The following MTUS2 variants were observed in gnomAD, a reference collection of about 807,000 sequenced individuals.
The protein encoded by MTUS2 is microtubule associated scaffold protein 2, also known as microtubule-associated tumor suppressor candidate 2.
In MTUS2, 40 loss-of-function variants were observed where a neutral mutation model predicts 114.1. The ratio of observed to expected loss-of-function variants is 0.35; its 90% CI spans 0.27 to 0.46. MTUS2 has a LOEUF of 0.46. Among genes scored for constraint, MTUS2 ranks in the 20% least tolerant of loss-of-function variants. MTUS2 has a pLI of 1.00. For synonymous variants in MTUS2, 688 were observed against 672.0 expected, an observed-to-expected ratio of 1.02 and a Z score of -0.37; for missense variants, 1,679 against 1,705.4, an observed-to-expected ratio of 0.98 and a Z score of 0.27.
chr13:28,852,850 T>TA (rs1876368824), intron 2 of MTUS2, among the ~76,000 whole-genome samples: 1 of 151,918 alleles, frequency 6.6e-6, no homozygotes, highest in African/African-American at 2.4e-5. Flanking sequence ...CTATCTTAAA[T>TA]ACGTACATAC....
intron 1 of MTUS2, among the ~76,000 whole-genome samples, chr13:28,831,382 A>C (rs1257398111): frequency 6.6e-6 from 1 of 152,230 alleles, no homozygotes; most frequent in African/African-American, 2.4e-5. Flanking sequence ...ACATGACTCA[A>C]CTATATGCCA....
chr13:28,898,326 A>G (rs1241371235), intron 2 of MTUS2, among the ~76,000 whole-genome samples: 6 of 152,198 alleles, frequency 3.9e-5, no homozygotes, highest in Admixed American at 2.6e-4. Flanking sequence ...GGTGAGTAGT[A>G]AGAGATACAT....
At chr13:29,353,633 A>G (rs1467777365) in intron 7 of MTUS2, among the ~76,000 whole-genome samples, 6 of 152,106 alleles carry the variant, frequency 3.9e-5, no homozygotes, top group African/African-American at 1.4e-4. Flanking sequence ...TTCTGGAGTA[A>G]AGTTATGTCA....
At chr13:29,149,267 A>G (rs1892569982) in intron 5 of MTUS2, among the ~76,000 whole-genome samples, 1 of 152,140 alleles carries the variant, frequency 6.6e-6, no homozygotes, top group Non-Finnish European at 1.5e-5. Flanking sequence ...GCATTTCTCT[A>G]ATGATCAATG....
chr13:29,156,201 T>A (rs1268462075), intron 5 of MTUS2, among the ~76,000 whole-genome samples: 1 of 152,108 alleles, frequency 6.6e-6, no homozygotes, highest in Non-Finnish European at 1.5e-5. Context: ...GTTAAGATGT[T>A]TGTAAGAATT....
At chr13:28,827,763 CCAG>C (rs1317850006) in intron 1 of MTUS2, among the ~76,000 whole-genome samples, 1 of 152,094 alleles carries the variant, frequency 6.6e-6, no homozygotes, top group Non-Finnish European at 1.5e-5. Context: ...AGCCGCAAAA[CCAG>C]CAAGTTTTTA....
chr13:29,084,830 G>A (rs929610800), intron 4 of MTUS2, among the ~76,000 whole-genome samples: 1 of 143,350 alleles, frequency 7.0e-6, no homozygotes, highest in East Asian at 2.2e-4. Flanking sequence ...TTACAGGCAT[G>A]AGCTACTGTG....
At chr13:29,483,665 TGA>T (rs1881374004) in intron 10 of MTUS2, among the ~76,000 whole-genome samples, 1 of 152,202 alleles carries the variant, frequency 6.6e-6, no homozygotes, top group Non-Finnish European at 1.5e-5. Context: ...GAGGGGGACC[TGA>T]GGGGGTGGTG....
chr13:28,874,441 A>G (rs1440956514), intron 2 of MTUS2, among the ~76,000 whole-genome samples: 2 of 152,346 alleles, frequency 1.3e-5, no homozygotes, highest in East Asian at 1.9e-4. Context: ...CCAGGAATTC[A>G]GGAAGGACTT....
intron 2 of MTUS2, among the ~76,000 whole-genome samples, chr13:28,963,848 A>G (rs1883451739): frequency 6.6e-6 from 1 of 152,060 alleles, no homozygotes; most frequent in Admixed American, 6.6e-5. Context: ...ACCTTGGCAC[A>G]ATGGCATTCA....
Position 29,025,793 on chromosome 13 carries a change from C to T in MTUS2, c.1095C>T (p.Asn365=). ...CCGATGCACTTGGCCATCTGCTGAA[C>T]AGTGACCTCCACCACCTTGGGGTGG... The part of the protein sequence containing the change: ...EATDALGHLL[N]SDLHHLGVGR... The change falls in exon 3 of 16, where the codon AAC becomes AAT. Residue 365 remains asparagine (N), a synonymous_variant. Coordinates refer to ENST00000612955, the MANE Select transcript of MTUS2 (RefSeq NM_001033602.4). 1.2e-6 allele frequency: 2 copies of T among 1,614,010 alleles called. No individual in the cohort carries two copies. Among genetic ancestry groups the T allele is most frequent in the African/African-American group, 1.3e-5 (1 of 75,050 alleles).
At chr13:28,865,471 A>T (rs1021452975) in intron 2 of MTUS2, among the ~76,000 whole-genome samples, 2 of 152,336 alleles carry the variant, frequency 1.3e-5, no homozygotes, top group East Asian at 3.9e-4. Context: ...TAAGTTGGCA[A>T]ATTGCCATGC....
intron 2 of MTUS2, among the ~76,000 whole-genome samples, chr13:28,990,859 C>T (rs993486508): frequency 6.7e-6 from 1 of 150,008 alleles, no homozygotes; most frequent in African/African-American, 2.4e-5. Context: ...CCACTCACTG[C>T]GAGGGTCTGC....
chr13:29,154,926 G>A (rs553698839), intron 5 of MTUS2, among the ~76,000 whole-genome samples: 1 of 152,286 alleles, frequency 6.6e-6, no homozygotes, highest in African/African-American at 2.4e-5. Flanking sequence ...ACAGACATAA[G>A]TCACAGTAAC....
intron 4 of MTUS2, among the ~76,000 whole-genome samples, chr13:29,099,198 G>T (rs528350788): frequency 6.6e-6 from 1 of 152,332 alleles, no homozygotes; most frequent in East Asian, 1.9e-4. Context: ...ATTACCACTT[G>T]TTAGTGTATT....
intron 2 of MTUS2, among the ~76,000 whole-genome samples, chr13:28,939,326 A>C (rs190738374): frequency 6.6e-6 from 1 of 152,330 alleles, no homozygotes; most frequent in East Asian, 1.9e-4. Context: ...AGGTAGCTAA[A>C]GACTAGGGGC....
At chr13:29,046,688 A>G (rs1191422305) in intron 4 of MTUS2, among the ~76,000 whole-genome samples, 1 of 152,058 alleles carries the variant, frequency 6.6e-6, no homozygotes, top group African/African-American at 2.4e-5. Flanking sequence ...AAATAACTGG[A>G]TCAATCTTTT....
rs915935270 is a variant in MTUS2 at position 29,427,224 on chromosome 13, C to T, written c.3118-12759C>T. Among the ~76,000 whole-genome samples, 5 of 152,160 alleles carry T rather than the reference C, an allele frequency of 3.3e-5. 1 individual carries two copies. Among genetic ancestry groups the T allele is most frequent in the African/African-American group, 7.2e-5 (3 of 41,434 alleles). ...CTCCTGTTTTCCATTCCTTAAGGGT[C>T]GGCTGCTATTCCATGAATGTGTGAA... On this transcript the variant is annotated intron_variant, in intron 8 of 15. Coordinates refer to ENST00000612955, the MANE Select transcript of MTUS2 (RefSeq NM_001033602.4).
chr13:29,388,605 A>G (rs1872791954), intron 8 of MTUS2, among the ~76,000 whole-genome samples: 1 of 152,130 alleles, frequency 6.6e-6, no homozygotes, highest in Non-Finnish European at 1.5e-5. Context: ...AAGTCAATTT[A>G]GACTTTCCTG....
Sources: allele counts gnomAD v4.1 joint callset (sites outside exome capture counted in the v4.1 genomes callset), GRCh38; gene constraint gnomAD v4.1.1; transcripts MANE v1.5; gene names NCBI Gene and HGNC (gene_info 2026-07-23, HGNC 2026-07-21).